Variants in KCTD8 observed in about 807,000 individuals in gnomAD.
The protein encoded by KCTD8 is potassium channel tetramerization domain containing 8.
Under a neutral mutation model 31.5 loss-of-function variants are expected in KCTD8, and 27 were observed. The ratio of observed to expected loss-of-function variants is 0.86; its 90% CI spans 0.63 to 1.18. KCTD8 has a LOEUF of 1.18. KCTD8 is among the 50% of genes most tolerant of loss of function. KCTD8 has a pLI of 0.00. For missense variants in KCTD8, 658 were observed against 647.7 expected (o/e 1.02, Z -0.17); for synonymous variants, 290 against 280.0 (o/e 1.04, Z -0.36).
At chr4:44,189,076 G>T (rs972528640) in intron 1 of KCTD8, among the ~76,000 whole-genome samples, 6 of 152,276 alleles carry the variant, frequency 3.9e-5, no homozygotes, top group African/African-American at 1.4e-4. Flanking sequence ...ATAACTGGAT[G>T]ATATTGGATC....
intron 1 of KCTD8, among the ~76,000 whole-genome samples, chr4:44,268,634 T>C (rs1048598421): frequency 3.2e-4 from 48 of 152,112 alleles, no homozygotes; most frequent in Non-Finnish European, 5.4e-4. Flanking sequence ...TGATTGTATA[T>C]CTAGAAAACC....
At chr4:44,246,677 G>A (rs1259748918) in intron 1 of KCTD8, among the ~76,000 whole-genome samples, 9 of 151,586 alleles carry the variant, frequency 5.9e-5, no homozygotes, top group African/African-American at 1.7e-4. Context: ...AATTCTTCAC[G>A]TCACATTCAT....
rs554416698 is a variant in KCTD8, at chr4:44,435,800, G to GTGGC, written c.961+11759_961+11762dup. On this transcript the variant is annotated intron_variant, in intron 1 of 1. Coordinates refer to ENST00000360029, the MANE Select transcript of KCTD8 (RefSeq NM_198353.3). ...CTGTATACTAGCATGAGGAGGCTAG[G>GTGGC]TGGCTACAAACCAAATTTCCTGATC... Among the ~76,000 whole-genome samples, 388 of 152,178 alleles carry GTGGC rather than the reference G, an allele frequency of 2.5e-3. 2 individuals are homozygous for GTGGC. Among genetic ancestry groups the GTGGC allele is most frequent in the African/African-American group, 8.7e-3 (362 of 41,550 alleles).
At chr4:44,230,565 A>C (rs1356819670) in intron 1 of KCTD8, among the ~76,000 whole-genome samples, 2 of 152,228 alleles carry the variant, frequency 1.3e-5, no homozygotes, top group Non-Finnish European at 2.9e-5. Flanking sequence ...AGTATTATTT[A>C]CAAGGTATTT....
chr4:44,225,626 T>C (rs1001154987), intron 1 of KCTD8, among the ~76,000 whole-genome samples: 10 of 152,154 alleles, frequency 6.6e-5, no homozygotes, highest in Admixed American at 2.0e-4. Flanking sequence ...GTATCCACGA[T>C]GGTGATGATT....
intron 1 of KCTD8, among the ~76,000 whole-genome samples, chr4:44,395,509 C>T (rs574621121): frequency 9.9e-5 from 15 of 152,196 alleles, no homozygotes; most frequent in Admixed American, 9.2e-4. Flanking sequence ...TCTGGGAACA[C>T]CCATATTCGG....
intron 1 of KCTD8, among the ~76,000 whole-genome samples, chr4:44,263,216 C>A (rs1278693356): frequency 6.6e-6 from 1 of 152,112 alleles, no homozygotes; most frequent in Non-Finnish European, 1.5e-5. Context: ...AAAACTTTCT[C>A]TTTTCTAGTT....
At chr4:44,196,579 T>C (rs778184368) in intron 1 of KCTD8, among the ~76,000 whole-genome samples, 2 of 152,202 alleles carry the variant, frequency 1.3e-5, no homozygotes, top group East Asian at 3.9e-4. Flanking sequence ...TAAAAAACCA[T>C]GTCAGGATCC....
At chr4:44,346,306 G>T (rs1213480993) in intron 1 of KCTD8, among the ~76,000 whole-genome samples, 1 of 152,040 alleles carries the variant, frequency 6.6e-6, no homozygotes, top group African/African-American at 2.4e-5. Context: ...TCATTCAAAA[G>T]ATATTTATTG....
chr4:44,377,526 G>C (rs958299544), intron 1 of KCTD8, among the ~76,000 whole-genome samples: 1 of 152,144 alleles, frequency 6.6e-6, no homozygotes, highest in Non-Finnish European at 1.5e-5. Context: ...CACAGCTGCA[G>C]GGTGATCACC....
Position 44,443,234 on chromosome 4 carries a change from G to A in KCTD8, c.961+4329C>T, listed in dbSNP as rs373189344. ...ATTGTAAAAATAAGTAGTAACTCGG[G>A]AGAAAAATAATCAACTTTTAAAATT... is the stretch of plus-strand genomic sequence containing the variant. On this transcript the variant is annotated intron_variant, in intron 1 of 1. Coordinates refer to ENST00000360029, the MANE Select transcript of KCTD8 (RefSeq NM_198353.3). Among the ~76,000 whole-genome samples the A allele has an allele frequency of 5.9e-5, 9 of 152,256 alleles. No individual in the cohort carries two copies. The East Asian group carries it at 1.7e-3, about 29-fold the overall frequency.
intron 1 of KCTD8, among the ~76,000 whole-genome samples, chr4:44,321,876 A>T (rs1034788360): frequency 4.0e-5 from 6 of 150,966 alleles, no homozygotes; most frequent in African/African-American, 1.5e-4. Context: ...TGACTGGCTT[A>T]TCTCACTTAA....
At chr4:44,205,920 T>C (rs1302390075) in intron 1 of KCTD8, among the ~76,000 whole-genome samples, 1 of 152,066 alleles carries the variant, frequency 6.6e-6, no homozygotes, top group Non-Finnish European at 1.5e-5. Context: ...CCTCTAAAGC[T>C]AATGGCATAG....
intron 1 of KCTD8, among the ~76,000 whole-genome samples, chr4:44,306,118 C>A (rs1002020852): frequency 3.3e-5 from 5 of 151,384 alleles, no homozygotes; most frequent in Non-Finnish European, 7.4e-5. Flanking sequence ...CTTAGGTAGA[C>A]AATGACACAA....
intron 1 of KCTD8, among the ~76,000 whole-genome samples, chr4:44,198,510 C>G (rs1714017060): frequency 6.6e-6 from 1 of 152,038 alleles, no homozygotes; most frequent in Non-Finnish European, 1.5e-5. Flanking sequence ...TTTTCAGCAT[C>G]CTCAAAGAAA....
intron 1 of KCTD8, among the ~76,000 whole-genome samples, chr4:44,297,676 G>T (rs1276109922): frequency 1.3e-5 from 2 of 152,064 alleles, no homozygotes; most frequent in Non-Finnish European, 2.9e-5. Flanking sequence ...CCAAGGCAAA[G>T]CATTTCAAAA....
chr4:44,400,554 C>A (rs552869149), intron 1 of KCTD8, among the ~76,000 whole-genome samples: 1 of 151,764 alleles, frequency 6.6e-6, no homozygotes, highest in Non-Finnish European at 1.5e-5. Context: ...CATGGCGAAA[C>A]CCTGCCTCAA....
intron 1 of KCTD8, among the ~76,000 whole-genome samples, chr4:44,336,456 C>A (rs1444905898): frequency 6.6e-6 from 1 of 151,644 alleles, no homozygotes; most frequent in African/African-American, 2.4e-5. Flanking sequence ...GGTAAGGAAG[C>A]CTATCATACT....
intron 1 of KCTD8, among the ~76,000 whole-genome samples, chr4:44,345,688 T>C (rs1030009558): frequency 4.6e-5 from 7 of 152,242 alleles, no homozygotes; most frequent in Non-Finnish European, 7.4e-5. Context: ...GCCCCAAATA[T>C]AAATATACTC....
Sources: gnomAD v4.1 joint callset for allele counts (sites outside exome capture counted in the v4.1 genomes callset) on GRCh38, gnomAD v4.1.1 for gene constraint, MANE v1.5 for transcripts, NCBI Gene and HGNC (gene_info 2026-07-23, HGNC 2026-07-21) for gene names.